The following AXDND1 variants were observed in gnomAD, a reference collection of about 807,000 sequenced individuals.
The protein encoded by AXDND1 is axonemal dynein light chain domain-containing protein 1.
AXDND1 carries 110 observed loss-of-function variants against 137.5 expected under a neutral mutation model. The ratio of observed to expected loss-of-function variants is 0.80; its 90% CI spans 0.69 to 0.94. The LOEUF is 0.94. Among genes scored for constraint, AXDND1 ranks in the 40% least tolerant of loss-of-function variants. The probability of loss-of-function intolerance (pLI) is 0.00; values close to 1 mark genes in which losing one functional copy is unlikely to be tolerated. For missense variants in AXDND1, 1,191 were observed against 1,169.8 expected, an observed-to-expected ratio of 1.02 and a Z score of -0.26; for synonymous variants, 414 against 399.7, an observed-to-expected ratio of 1.04 and a Z score of -0.43.
chr1:179,442,595 A>C (rs1227424632), intron 15 of AXDND1, among the ~76,000 whole-genome samples: 2 of 152,148 alleles, frequency 1.3e-5, no homozygotes, highest in Non-Finnish European at 2.9e-5. Flanking sequence ...GTTTTTCTTC[A>C]ACAGACAAAT....
At chr1:179,381,843 T>C in intron 6 of AXDND1, among the ~76,000 whole-genome samples, 1 of 151,408 alleles carries the variant, frequency 6.6e-6, no homozygotes, top group East Asian at 2.0e-4. Context: ...TGCAGTGGCG[T>C]GATCTTGGCT....
chr1:179,499,943 C>T (rs1389184993), intron 20 of AXDND1, among the ~76,000 whole-genome samples: 1 of 152,082 alleles, frequency 6.6e-6, no homozygotes, highest in Non-Finnish European at 1.5e-5. Flanking sequence ...AATCTTCCCC[C>T]AAAAGATGCT....
In AXDND1 at chr1:179,457,497, A is replaced by G. The variant is rs573769557; in HGVS notation, c.1799-10946A>G. Reference sequence around the variant, plus strand: ...ACATTTCAAAATTTATTTTGTTCTTAGTTTAGCTTCCCCCATACTTTGTGT... The same window carrying G: ...ACATTTCAAAATTTATTTTGTTCTTGGTTTAGCTTCCCCCATACTTTGTGT... On this transcript the variant is annotated intron_variant, in intron 16 of 25. Transcript: ENST00000367618. 1.1e-3 allele frequency among the ~76,000 whole-genome samples: 169 copies of G among 152,292 alleles called. 2 individuals carry two copies. The highest frequency in any genetic ancestry group is 0.01 in the Middle Eastern group (3 of 294).
chr1:179,515,034 A>G (rs1455364889), intron 21 of AXDND1, among the ~76,000 whole-genome samples: 25 of 152,168 alleles, frequency 1.6e-4, no homozygotes, highest in Admixed American at 1.6e-3. Flanking sequence ...TCTTTTAGGT[A>G]GAGCATTTAA....
At chr1:179,502,683 T>A (rs1668127813) in intron 20 of AXDND1, among the ~76,000 whole-genome samples, 1 of 151,884 alleles carries the variant, frequency 6.6e-6, no homozygotes, top group East Asian at 1.9e-4. Flanking sequence ...ACATCCACTT[T>A]GGAAATCAGT....
At chr1:179,367,223 A>C (rs1667518668) in intron 2 of AXDND1, among the ~76,000 whole-genome samples, 1 of 150,742 alleles carries the variant, frequency 6.6e-6, no homozygotes, top group South Asian at 2.1e-4. Context: ...CCCCATCTCA[A>C]AATAAATAAA....
chr1:179,387,324 TCATAA>T (rs1220212435), intron 9 of AXDND1, among the ~76,000 whole-genome samples: 1 of 152,070 alleles, frequency 6.6e-6, no homozygotes, highest in Non-Finnish European at 1.5e-5. Context: ...CTTGTGGTAA[TCATAA>T]CATGACAGAA....
chr1:179,451,572 G>C (rs993311775), intron 16 of AXDND1: 6 of 152,094 alleles, frequency 3.9e-5, no homozygotes, highest in Admixed American at 6.6e-5. Flanking sequence ...TGGCTTGGCT[G>C]TGTCCCCACC....
chr1:179,506,596 G>A (rs1290818769), intron 20 of AXDND1, among the ~76,000 whole-genome samples: 1 of 152,196 alleles, frequency 6.6e-6, no homozygotes, highest in Non-Finnish European at 1.5e-5. Flanking sequence ...GCCGGGCATG[G>A]TGGCATGCCT....
rs1442741430 is a variant in AXDND1, at chr1:179,491,688, G to A, written c.2242G>A (p.Ala748Thr). The A allele has an allele frequency of 1.9e-6, 3 of 1,603,692 alleles. No individual in the cohort carries two copies. The highest frequency in any genetic ancestry group is 1.7e-6 in the Non-Finnish European group (2 of 1,176,600). The change falls in exon 19 of 26, where the codon GCG becomes ACG. Residue 748 changes from alanine (A) to threonine (T), a missense_variant. Physicochemically the swap from Ala to Thr is moderately conservative, Grantham distance 58. Coordinates refer to ENST00000367618, the MANE Select transcript of AXDND1 (RefSeq NM_144696.6). ...DIGVARLELD[A>T]IELTRKLYQY... ...AGGAGTTGCGCGATTGGAGCTAGAT[G>A]CGATTGAACTGACAAGGAAGTTGTA...
intron 20 of AXDND1, among the ~76,000 whole-genome samples, chr1:179,499,288 A>G (rs764776372): frequency 2.0e-5 from 3 of 152,322 alleles, no homozygotes; most frequent in East Asian, 1.9e-4. Context: ...ATGCAACAAC[A>G]TGGAAGAACC....
At chr1:179,515,081 T>C (rs1474153859) in intron 21 of AXDND1, among the ~76,000 whole-genome samples, 1 of 152,214 alleles carries the variant, frequency 6.6e-6, no homozygotes, top group African/African-American at 2.4e-5. Context: ...AGATGTGAGA[T>C]ACCATTCCAT....
At chr1:179,484,725 C>T (rs148538849) in intron 18 of AXDND1, among the ~76,000 whole-genome samples, 2 of 152,322 alleles carry the variant, frequency 1.3e-5, no homozygotes, top group African/African-American at 4.8e-5. Flanking sequence ...GTATTCAGAC[C>T]TTGCCCCTCC....
Position 179,492,891 on chromosome 1 carries a change from T to A in AXDND1, c.2328T>A (p.Ser776Arg). 6.2e-7 allele frequency: 1 copy of A among 1,611,212 alleles called. No individual in the cohort carries two copies. The highest frequency in any genetic ancestry group is 8.5e-7 in the Non-Finnish European group (1 of 1,179,274). Reference sequence around the variant, plus strand: ...GGATGGTAACAGCAATGGCTCTGAGTAAATCCACTAACTCACACAAAAATG... The same window carrying A: ...GGATGGTAACAGCAATGGCTCTGAGAAAATCCACTAACTCACACAAAAATG... ...CKGMVTAMAL[S>R]KSTNSHKNAT... Residue 776 changes from serine to arginine, a missense_variant, in exon 20 of 26, where the codon AGT becomes AGA. Transcript: ENST00000367618.
intron 18 of AXDND1, among the ~76,000 whole-genome samples, chr1:179,485,975 T>C (rs6693261): frequency 0.55 from 83,223 of 151,428 alleles, 23,171 homozygotes; most frequent in East Asian, 0.76. Context: ...GAAAATTAGC[T>C]AGGCATGGTG....
At chr1:179,400,612 A>AG (rs1553259123) in intron 11 of AXDND1, among the ~76,000 whole-genome samples, 6 of 151,308 alleles carry the variant, frequency 4.0e-5, no homozygotes, top group East Asian at 1.9e-4. Flanking sequence ...AAAAAAAAAA[A>AG]AGAGAAGATG....
intron 25 of AXDND1, among the ~76,000 whole-genome samples, chr1:179,537,887 T>A: frequency 6.6e-6 from 1 of 152,220 alleles, no homozygotes; most frequent in East Asian, 1.9e-4. Context: ...ATTGGTCTAT[T>A]CAGAGATTTG....
intron 9 of AXDND1, among the ~76,000 whole-genome samples, chr1:179,388,949 A>AT (rs1442439747): frequency 7.3e-6 from 1 of 137,916 alleles, no homozygotes; most frequent in Non-Finnish European, 1.6e-5. Context: ...AAATATAATA[A>AT]TTTTATTGCT....
intron 16 of AXDND1, chr1:179,457,252 C>T (rs904035618): frequency 2.1e-5 from 15 of 701,040 alleles, no homozygotes; most frequent in Non-Finnish European, 3.3e-5. Flanking sequence ...CTCAGGCTCT[C>T]GTTGCTTGTT....
Sources: allele counts gnomAD v4.1 joint callset (sites outside exome capture counted in the v4.1 genomes callset), GRCh38; gene constraint gnomAD v4.1.1; transcripts MANE v1.5; gene names NCBI Gene and HGNC (gene_info 2026-07-23, HGNC 2026-07-21).